The following HDAC9 variants were observed in gnomAD, a reference collection of about 807,000 sequenced individuals.
The protein encoded by HDAC9 is histone deacetylase 9, also known as MEF-2 interacting transcription repressor (MITR) protein.
Under a neutral mutation model 139.4 loss-of-function variants are expected in HDAC9, and 41 were observed. The observed-to-expected ratio is 0.29, with a 90% CI of 0.23 to 0.38. The LOEUF is 0.38. HDAC9 is among the 10% of genes least tolerant of loss of function. The probability of loss-of-function intolerance (pLI) is 1.00; values close to 1 mark genes in which losing one functional copy is unlikely to be tolerated. For synonymous variants in HDAC9, 517 were observed against 476.2 expected (o/e 1.09, Z -1.12); for missense variants, 1,147 against 1,297.0 (o/e 0.88, Z 1.78).
intron 22 of HDAC9, among the ~76,000 whole-genome samples, chr7:18,877,541 CAG>C (rs1799412185): frequency 6.6e-6 from 1 of 152,130 alleles, no homozygotes; most frequent in Non-Finnish European, 1.5e-5. Flanking sequence ...TTGATAATTA[CAG>C]AGAGTGGTTT....
At chr7:18,404,646 A>G (rs1787845342) in intron 1 of HDAC9, among the ~76,000 whole-genome samples, 1 of 152,220 alleles carries the variant, frequency 6.6e-6, no homozygotes, top group Non-Finnish European at 1.5e-5. Flanking sequence ...TCACTTAATC[A>G]TTGATAGGTC....
At chr7:18,463,644 C>A (rs1459455494) in intron 1 of HDAC9, among the ~76,000 whole-genome samples, 1 of 151,290 alleles carries the variant, frequency 6.6e-6, no homozygotes, top group Non-Finnish European at 1.5e-5. Context: ...AAAAAATTTC[C>A]TTCAGTTTAA....
chr7:18,131,287 C>T (rs189045265), intron 1 of HDAC9, among the ~76,000 whole-genome samples: 2 of 152,050 alleles, frequency 1.3e-5, no homozygotes, highest in African/African-American at 4.8e-5. Context: ...TGATTCAGTG[C>T]CCAATATTTG....
chr7:18,501,139 C>A (rs1004678268), intron 2 of HDAC9, among the ~76,000 whole-genome samples: 3 of 151,898 alleles, frequency 2.0e-5, no homozygotes, highest in African/African-American at 7.2e-5. Flanking sequence ...TTAAAACAAA[C>A]AAAAAACTAA....
chr7:18,466,712 G>T (rs1030270410), intron 1 of HDAC9, among the ~76,000 whole-genome samples: 2 of 152,098 alleles, frequency 1.3e-5, no homozygotes, highest in Non-Finnish European at 2.9e-5. Context: ...AATTCCATCT[G>T]CAATCTTAAT....
chr7:18,987,265 T>A (rs1785441549), intron 25 of HDAC9, among the ~76,000 whole-genome samples: 1 of 152,068 alleles, frequency 6.6e-6, no homozygotes, highest in Non-Finnish European at 1.5e-5. Flanking sequence ...TTATTGGGAG[T>A]TTTTAGCATG....
At chr7:18,464,651 A>G (rs750484169) in intron 1 of HDAC9, among the ~76,000 whole-genome samples, 2 of 152,026 alleles carry the variant, frequency 1.3e-5, no homozygotes, top group African/African-American at 4.8e-5. Flanking sequence ...ATTGCTATAC[A>G]GTATTGCTAT....
intron 1 of HDAC9, among the ~76,000 whole-genome samples, chr7:18,135,889 C>G (rs1308648990): frequency 2.4e-5 from 3 of 127,590 alleles, no homozygotes; most frequent in Non-Finnish European, 4.6e-5. Context: ...CTGACTTCGA[C>G]AATGGTTGAA....
Position 18,351,871 on chromosome 7 carries a change from A to G in HDAC9, c.-42+61356A>G, listed in dbSNP as rs569644289. On this transcript the variant is annotated intron_variant, in intron 1 of 3. Coordinates refer to the HDAC9 transcript ENST00000413509. ...GTTATTACAATTTTATCAAGAAATT[A>G]TTAGCCTTGTCTTAAATCTCAAAAA... Among the ~76,000 whole-genome samples, 53 of 152,350 alleles carry G rather than the reference A, an allele frequency of 3.5e-4. 1 individual carries two copies. Among genetic ancestry groups the G allele is most frequent in the Non-Finnish European group, 2.9e-4 (20 of 68,026 alleles).
chr7:18,345,113 A>G (rs1171351238), intron 1 of HDAC9, among the ~76,000 whole-genome samples: 1 of 151,980 alleles, frequency 6.6e-6, no homozygotes, highest in Non-Finnish European at 1.5e-5. Context: ...CACCTGTCAG[A>G]TGGTAGTAGG....
chr7:18,963,957 C>T (rs1012382297), intron 24 of HDAC9, among the ~76,000 whole-genome samples: 7 of 152,116 alleles, frequency 4.6e-5, no homozygotes, highest in Admixed American at 6.6e-5. Flanking sequence ...TGCCCTTCTA[C>T]GTTTCAATCT....
chr7:18,921,209 A>G (rs1024358392), intron 22 of HDAC9, among the ~76,000 whole-genome samples: 29 of 152,214 alleles, frequency 1.9e-4, no homozygotes, highest in African/African-American at 6.8e-4. Context: ...AAGCAATGGC[A>G]ACAAAAGCCA....
upstream of HDAC9, among the ~76,000 whole-genome samples, chr7:18,287,948 T>TGAA (rs1218949242): frequency 6.6e-6 from 1 of 152,248 alleles, no homozygotes; most frequent in Admixed American, 6.5e-5. Flanking sequence ...AAACACCTGT[T>TGAA]TATAATTATT....
chr7:18,592,548 G>C (rs1207339404), intron 5 of HDAC9, among the ~76,000 whole-genome samples: 1 of 151,990 alleles, frequency 6.6e-6, no homozygotes, highest in African/African-American at 2.4e-5. Flanking sequence ...CACCATTAAA[G>C]ATAGGAATAG....
chr7:18,996,299 G>A lies in HDAC9; in HGVS notation c.*237G>A. 2.4e-6 allele frequency: 1 copy of A among 414,772 alleles called. No individual in the cohort carries two copies. Among genetic ancestry groups the A allele is most frequent in the East Asian group, 4.6e-5 (1 of 21,862 alleles). The allele number at this position is 414,772 out of a possible 1,614,324, so 25.7% of individuals were successfully genotyped here. On this transcript the variant is annotated 3_prime_UTR_variant, in exon 26 of 26. Transcript: ENST00000686413. The stretch of plus-strand genomic sequence containing the variant: ...TCTAGAGTTACAGTAAACCACGATT[G>A]GAAGAAACTGCTTCCAGCATGCTTT...
chr7:18,482,380 CAAAAAAAAAAAAAAAAA>C lies in HDAC9; in HGVS notation c.-41-13861_-41-13845del, dbSNP rs566243064. 3.6e-3 allele frequency among the ~76,000 whole-genome samples: 115 copies of C among 32,330 alleles called. 1 individual carries two copies. The South Asian group carries it at 0.062, about 17-fold the overall frequency. 21.2% of individuals were successfully genotyped at this position (32,330 alleles called of 152,430 possible). ...GCAACATAGTAAGACCTGGACTCAC[CAAAAAAAAAAAAAAAAA>C]AAAAAAAAAAAAAAAAAAAATTCTC... On this transcript the variant is annotated intron_variant, in intron 1 of 3. Transcript: ENST00000413509.
intron 13 of HDAC9, among the ~76,000 whole-genome samples, chr7:18,741,681 C>G (rs1787471652): frequency 6.6e-6 from 1 of 152,250 alleles, no homozygotes; most frequent in Non-Finnish European, 1.5e-5. Context: ...TTCTATAAGG[C>G]TATACCTTCC....
intron 2 of HDAC9, among the ~76,000 whole-genome samples, chr7:18,276,623 C>G (rs558589839): frequency 1.3e-5 from 2 of 152,220 alleles, no homozygotes; most frequent in Admixed American, 6.5e-5. Flanking sequence ...GACAGAGCAC[C>G]TCTAGAGGGC....
intron 11 of HDAC9, among the ~76,000 whole-genome samples, chr7:18,663,361 G>A (rs1793805328): frequency 6.6e-6 from 1 of 151,976 alleles, no homozygotes; most frequent in Admixed American, 6.6e-5. Flanking sequence ...CTTTTTACTT[G>A]GTGGGTGATA....
Sources: gnomAD v4.1 joint callset for allele counts (sites outside exome capture counted in the v4.1 genomes callset) on GRCh38, gnomAD v4.1.1 for gene constraint, MANE v1.5 for transcripts, NCBI Gene and HGNC (gene_info 2026-07-23, HGNC 2026-07-21) for gene names.